Variants in SCFD1 observed in about 807,000 individuals in gnomAD.
SCFD1 encodes the protein sec1 family domain containing 1.
Under a neutral mutation model 103.2 loss-of-function variants are expected in SCFD1, and 37 were observed. That is an observed-to-expected ratio of 0.36 (90% confidence interval 0.28 to 0.47). The LOEUF is 0.47. Ranked by LOEUF, SCFD1 falls within the 20% of genes least tolerant of loss-of-function variation. The pLI is 1.00. For synonymous variants in SCFD1, 264 were observed against 245.0 expected (o/e 1.08, Z -0.73); for missense variants, 639 against 761.2 (o/e 0.84, Z 1.89).
chr14:30,691,427 A>C (rs1248458076), intron 14 of SCFD1, among the ~76,000 whole-genome samples: 1 of 151,846 alleles, frequency 6.6e-6, no homozygotes, highest in Non-Finnish European at 1.5e-5. Context: ...CTCTTTAAAA[A>C]CTCTTGAAAG....
chr14:30,623,547 TTTA>T (rs1298228338), intron 1 of SCFD1, among the ~76,000 whole-genome samples: 3 of 152,232 alleles, frequency 2.0e-5, no homozygotes, highest in Non-Finnish European at 2.9e-5. Context: ...GTTGTATATG[TTTA>T]AACAAATGGA....
intron 10 of SCFD1, among the ~76,000 whole-genome samples, chr14:30,657,446 T>A (rs1293502108): frequency 1.3e-5 from 2 of 152,204 alleles, no homozygotes; most frequent in Non-Finnish European, 2.9e-5. Context: ...TATACTGGCC[T>A]TTATACAATT....
At chr14:30,662,700 T>G (rs1330305626) in intron 10 of SCFD1, among the ~76,000 whole-genome samples, 1 of 152,254 alleles carries the variant, frequency 6.6e-6, no homozygotes, top group Non-Finnish European at 1.5e-5. Context: ...TTTACTTTCC[T>G]TTTCTTTGCC....
chr14:30,692,002 C>T (rs1391385663), intron 14 of SCFD1, among the ~76,000 whole-genome samples: 2 of 151,056 alleles, frequency 1.3e-5, no homozygotes, highest in Non-Finnish European at 2.9e-5. Context: ...CCAGGCTAGT[C>T]TCAAACTCCC....
intron 4 of SCFD1, among the ~76,000 whole-genome samples, chr14:30,634,250 T>C (rs1884478913): frequency 1.3e-5 from 2 of 152,186 alleles, no homozygotes; most frequent in African/African-American, 4.8e-5. Flanking sequence ...ATGTCCACAG[T>C]TTCACTTTCC....
At chr14:30,656,039 C>A (rs1886865221) in intron 10 of SCFD1, among the ~76,000 whole-genome samples, 1 of 151,770 alleles carries the variant, frequency 6.6e-6, no homozygotes, top group Non-Finnish European at 1.5e-5. Flanking sequence ...TGATCCCCAA[C>A]AGGTTGTGGC....
At chr14:30,694,739 A>C in intron 14 of SCFD1, 34 bp from the exon 15 acceptor site, 3 of 1,555,870 alleles carry the variant, frequency 1.9e-6, no homozygotes, top group Non-Finnish European at 2.6e-6. Context: ...TTAATGACTT[A>C]ATATATTCTC....
chr14:30,651,910 G>A (rs1886429575), intron 9 of SCFD1, among the ~76,000 whole-genome samples: 2 of 152,126 alleles, frequency 1.3e-5, no homozygotes, highest in South Asian at 4.1e-4. Context: ...ACTGGTAGGT[G>A]TTACTAGAAT....
At chr14:30,623,063 TCTC>T (rs1333069419) in intron 1 of SCFD1, among the ~76,000 whole-genome samples, 3 of 152,252 alleles carry the variant, frequency 2.0e-5, no homozygotes, top group Non-Finnish European at 4.4e-5. Flanking sequence ...CACATATTCT[TCTC>T]TTGAGTTTTG....
Position 30,635,480 on chromosome 14 carries a change from T to C in SCFD1, c.312+1443T>C, listed in dbSNP as rs537367699. Among the ~76,000 whole-genome samples, 6 of 152,282 alleles carry C rather than the reference T, an allele frequency of 3.9e-5. No homozygotes were observed. In the South Asian group the frequency reaches 1.0e-3, roughly 26 times the overall value. Reference sequence around the variant, plus strand: ...TCTGTTTCTGTATATTTGCCTACTCTGACCATTACATATGAATGAAATCCT... The same window carrying C: ...TCTGTTTCTGTATATTTGCCTACTCCGACCATTACATATGAATGAAATCCT... On this transcript the variant is annotated intron_variant, in intron 4 of 24. Transcript: ENST00000458591.
chr14:30,668,843 A>G (rs1248493760), intron 10 of SCFD1, among the ~76,000 whole-genome samples: 1 of 152,232 alleles, frequency 6.6e-6, no homozygotes, highest in Non-Finnish European at 1.5e-5. Context: ...AATGAAAACC[A>G]CAATGAGATA....
At chr14:30,648,445 G>A (rs1211044417) in intron 7 of SCFD1, among the ~76,000 whole-genome samples, 1 of 152,088 alleles carries the variant, frequency 6.6e-6, no homozygotes, top group African/African-American at 2.4e-5. Context: ...TATGAATAAT[G>A]TGTTTTCTAT....
At chr14:30,725,572 A>G (rs532641630) in intron 23 of SCFD1, among the ~76,000 whole-genome samples, 1 of 152,332 alleles carries the variant, frequency 6.6e-6, no homozygotes, top group South Asian at 2.1e-4. Flanking sequence ...TATCAGCTTA[A>G]GAAGCTTTTG....
intron 10 of SCFD1, among the ~76,000 whole-genome samples, chr14:30,660,818 G>A (rs535047291): frequency 3.9e-5 from 6 of 152,064 alleles, no homozygotes; most frequent in South Asian, 2.1e-4. Flanking sequence ...GAATTATCTC[G>A]TTTTTGGCCT....
intron 14 of SCFD1, 42 bp downstream of exon 14, chr14:30,675,107 A>C (rs1888916720): frequency 9.0e-7 from 1 of 1,109,096 alleles, no homozygotes; most frequent in Admixed American, 2.2e-5. Context: ...ACTTGCATTT[A>C]CATAGGGTTT....
intron 23 of SCFD1, among the ~76,000 whole-genome samples, chr14:30,723,924 A>G (rs1171757414): frequency 1.3e-5 from 2 of 152,018 alleles, no homozygotes; most frequent in African/African-American, 4.8e-5. Context: ...CAGTAATGGG[A>G]TTGCAGGGTT....
chr14:30,658,777 G>A (rs1887156473), intron 10 of SCFD1, among the ~76,000 whole-genome samples: 1 of 152,196 alleles, frequency 6.6e-6, no homozygotes, highest in South Asian at 2.1e-4. Flanking sequence ...TGATTGCAAT[G>A]TAACAGGTGC....
chr14:30,669,280 C>CT (rs1566616230), intron 10 of SCFD1, among the ~76,000 whole-genome samples: 1 of 151,928 alleles, frequency 6.6e-6, no homozygotes, highest in Non-Finnish European at 1.5e-5. Flanking sequence ...ATACAGATAC[C>CT]TTAGAACTAA....
At chr14:30,636,253 GC>G (rs1884709122) in intron 4 of SCFD1, among the ~76,000 whole-genome samples, 1 of 151,194 alleles carries the variant, frequency 6.6e-6, no homozygotes, top group Non-Finnish European at 1.5e-5. Flanking sequence ...TTTTGATGAA[GC>G]CCAGTTTATC....
Sources: allele counts gnomAD v4.1 joint callset (sites outside exome capture counted in the v4.1 genomes callset), GRCh38; gene constraint gnomAD v4.1.1; transcripts MANE v1.5; gene names NCBI Gene and HGNC (gene_info 2026-07-23, HGNC 2026-07-21).